Variants in TRPM3 observed in about 807,000 individuals in gnomAD.
TRPM3 encodes the protein long transient receptor potential channel 3.
TRPM3 carries 77 observed loss-of-function variants against 181.2 expected under a neutral mutation model. The observed-to-expected ratio is 0.42, with a 90% CI of 0.35 to 0.51. TRPM3 has a LOEUF of 0.51. Ranked by LOEUF, TRPM3 falls within the 20% of genes least tolerant of loss-of-function variation. The pLI, the probability that TRPM3 is intolerant of heterozygous loss-of-function variation, is 0.01. For synonymous variants in TRPM3, 745 were observed against 796.4 expected (o/e 0.94, Z 1.09); for missense variants, 1,759 against 2,196.7 (o/e 0.80, Z 3.98).
intron 1 of TRPM3, among the ~76,000 whole-genome samples, chr9:71,341,809 G>A (rs559801988): frequency 6.6e-6 from 1 of 151,964 alleles, no homozygotes; most frequent in South Asian, 2.1e-4. Flanking sequence ...AAGGGAAGTG[G>A]AGAAAAGTAT....
chr9:71,405,961 G>T (rs559844698), intron 1 of TRPM3, among the ~76,000 whole-genome samples: 1 of 152,026 alleles, frequency 6.6e-6, no homozygotes, highest in African/African-American at 2.4e-5. Context: ...ATTTAATATC[G>T]CGTTATCTTT....
chr9:71,220,848 G>T (rs773159917), intron 1 of TRPM3, among the ~76,000 whole-genome samples: 12 of 151,908 alleles, frequency 7.9e-5, no homozygotes, highest in African/African-American at 1.2e-4. Flanking sequence ...ACCATCCCCT[G>T]CCCATCCAAC....
At chr9:70,898,930 CT>C (rs2096340286) in intron 1 of TRPM3, among the ~76,000 whole-genome samples, 1 of 152,050 alleles carries the variant, frequency 6.6e-6, no homozygotes, top group African/African-American at 2.4e-5. Flanking sequence ...CAAATGCAAC[CT>C]TTTTGGGAAA....
intron 1 of TRPM3, among the ~76,000 whole-genome samples, chr9:70,971,642 A>T (rs2097248311): frequency 6.6e-6 from 1 of 152,196 alleles, no homozygotes; most frequent in Non-Finnish European, 1.5e-5. Flanking sequence ...GCTGTGCTCT[A>T]TGAAAAAATG....
At chr9:71,085,270 A>C (rs2065078700) in intron 1 of TRPM3, among the ~76,000 whole-genome samples, 1 of 152,018 alleles carries the variant, frequency 6.6e-6, no homozygotes, top group African/African-American at 2.4e-5. Flanking sequence ...AAAACCAAAA[A>C]CTGGCAAGTG....
At chr9:71,391,823 T>C (rs989703733) in intron 1 of TRPM3, among the ~76,000 whole-genome samples, 1 of 152,118 alleles carries the variant, frequency 6.6e-6, no homozygotes, top group Admixed American at 6.6e-5. Context: ...CTTCTAGTTC[T>C]TTCAGCTGGC....
At chr9:71,431,561 C>A (rs577518377) in intron 1 of TRPM3, among the ~76,000 whole-genome samples, 1 of 152,138 alleles carries the variant, frequency 6.6e-6, no homozygotes, top group South Asian at 2.1e-4. Flanking sequence ...GGAAAAGACA[C>A]ACATTAACGT....
At chr9:71,274,194 T>C (rs1267505861) in intron 1 of TRPM3, among the ~76,000 whole-genome samples, 1 of 152,164 alleles carries the variant, frequency 6.6e-6, no homozygotes, top group Non-Finnish European at 1.5e-5. Flanking sequence ...CCTTGATTTA[T>C]TATGTCTTGG....
chr9:70,787,105 G>A (rs147678921), intron 6 of TRPM3, among the ~76,000 whole-genome samples: 62 of 152,220 alleles, frequency 4.1e-4, no homozygotes, highest in Middle Eastern at 3.4e-3. Context: ...TACATGGTCA[G>A]TTTATTCTCT....
At chr9:71,341,798 A>T (rs546465237) in intron 1 of TRPM3, among the ~76,000 whole-genome samples, 10 of 152,196 alleles carry the variant, frequency 6.6e-5, no homozygotes, top group Admixed American at 6.6e-4. Flanking sequence ...ATGTTAACTT[A>T]AAGGGAAGTG....
chr9:70,543,478 C>G (rs1049945322), intron 25 of TRPM3, among the ~76,000 whole-genome samples: 1 of 152,004 alleles, frequency 6.6e-6, no homozygotes, highest in African/African-American at 2.4e-5. Flanking sequence ...CCATTCTCAT[C>G]CCCTCTCCAA....
intron 1 of TRPM3, among the ~76,000 whole-genome samples, chr9:71,103,290 G>A (rs1486941901): frequency 1.3e-5 from 2 of 152,070 alleles, no homozygotes; most frequent in African/African-American, 4.8e-5. Context: ...AGGAAAGAAA[G>A]TTATTAAAAA....
At chr9:70,875,114 A>G (rs2095848904) in intron 1 of TRPM3, among the ~76,000 whole-genome samples, 1 of 151,846 alleles carries the variant, frequency 6.6e-6, no homozygotes, top group South Asian at 2.1e-4. Context: ...ATTCAAAGCA[A>G]TAGTAAGGTA....
intron 1 of TRPM3, among the ~76,000 whole-genome samples, chr9:71,086,906 C>T (rs2065366055): frequency 1.3e-5 from 2 of 151,994 alleles, no homozygotes; most frequent in African/African-American, 4.8e-5. Context: ...ACACTCTCGG[C>T]ACTTCACATG....
chr9:70,746,386 A>G lies in TRPM3; in HGVS notation c.1272+15215T>C, dbSNP rs555067694. Among the ~76,000 whole-genome samples the G allele has an allele frequency of 2.0e-5, 3 of 152,262 alleles. No individual in the cohort carries two copies. The South Asian group carries it at 6.2e-4, about 32-fold the overall frequency. On this transcript the variant is annotated intron_variant, in intron 8 of 25. Coordinates refer to ENST00000677713, the MANE Select transcript of TRPM3 (RefSeq NM_001366145.2). ...CCTTCAGTTTCCTAAATGTGGAAAG[A>G]GAGTTGTCATTGGATGCCAACATCA...
intron 1 of TRPM3, among the ~76,000 whole-genome samples, chr9:71,152,404 TGA>T (rs2075781175): frequency 6.6e-6 from 1 of 152,128 alleles, no homozygotes; most frequent in Admixed American, 6.6e-5. Context: ...TAAATCACCA[TGA>T]TTAAAAGGCT....
At chr9:70,862,437 A>G (rs2095545986) in intron 3 of TRPM3, among the ~76,000 whole-genome samples, 1 of 152,184 alleles carries the variant, frequency 6.6e-6, no homozygotes, top group South Asian at 2.1e-4. Context: ...TTCTCTTAGA[A>G]CAAGGAAAGA....
At chr9:70,639,716 A>G in intron 10 of TRPM3, among the ~76,000 whole-genome samples, 1 of 150,068 alleles carries the variant, frequency 6.7e-6, no homozygotes, top group South Asian at 2.1e-4. Flanking sequence ...AAAACATAAC[A>G]AAACAGAACA....
At chr9:70,613,744 A>C (rs1485041540) in intron 18 of TRPM3, among the ~76,000 whole-genome samples, 3 of 152,176 alleles carry the variant, frequency 2.0e-5, no homozygotes, top group African/African-American at 7.2e-5. Context: ...GGCTCTTAGT[A>C]AACAACGTCA....
Sources: allele counts gnomAD v4.1 joint callset (sites outside exome capture counted in the v4.1 genomes callset), GRCh38; gene constraint gnomAD v4.1.1; transcripts MANE v1.5; gene names NCBI Gene and HGNC (gene_info 2026-07-23, HGNC 2026-07-21).